The following SEL1L variants were observed in gnomAD, a reference collection of about 807,000 sequenced individuals.
The protein encoded by SEL1L is SEL1L adaptor subunit of SYVN1 ubiquitin ligase.
SEL1L carries 52 observed loss-of-function variants against 109.8 expected under a neutral mutation model. The ratio of observed to expected loss-of-function variants is 0.47; its 90% confidence interval spans 0.38 to 0.60. SEL1L has a LOEUF of 0.60. Ranked by LOEUF, SEL1L falls within the 20% of genes least tolerant of loss-of-function variation. The pLI is 0.00. For missense variants in SEL1L, 749 were observed against 962.2 expected, an observed-to-expected ratio of 0.78 and a Z score of 2.93; for synonymous variants, 373 against 339.6, an observed-to-expected ratio of 1.10 and a Z score of -1.08.
chr14:81,488,650 C>A, intron 14 of SEL1L: 1 of 152,624 alleles, frequency 6.6e-6, no homozygotes. Context: ...CAAGGAAACC[C>A]AGACACAGAC....
chr14:81,480,639 AC>A (rs1903323695), intron 19 of SEL1L, among the ~76,000 whole-genome samples: 1 of 151,980 alleles, frequency 6.6e-6, no homozygotes, highest in Admixed American at 6.6e-5. Flanking sequence ...GACTGCTTGA[AC>A]CCAGGAGGCA....
In SEL1L at chr14:81,472,634, CTA is replaced by C; in HGVS notation, c.*4336_*4337del. ...TTAGATAAATAATATTATAATCAGG[CTA>C]AAGTGAATCACGCTTACTACATATC... On this transcript the variant is annotated 3_prime_UTR_variant, in exon 21 of 21. Transcript: ENST00000336735. 1 of 443,246 alleles carries C rather than the reference CTA, an allele frequency of 2.3e-6. No individual in the cohort carries two copies. The highest frequency in any genetic ancestry group is 4.5e-6 in the Non-Finnish European group (1 of 223,916). The allele number at this position is 443,246 out of a possible 1,614,324, so 27.5% of individuals were successfully genotyped here. A position where few individuals can be genotyped will look rare whatever the true frequency, so the allele number is the denominator to read the frequency against.
chr14:81,489,763 A>AC (rs1883469936), intron 13 of SEL1L, among the ~76,000 whole-genome samples: 1 of 152,194 alleles, frequency 6.6e-6, no homozygotes, highest in African/African-American at 2.4e-5. Context: ...GGTGACAAAG[A>AC]TATACTTAGG....
chr14:81,510,300 G>C lies in SEL1L; in HGVS notation c.341-4059C>G, dbSNP rs571450839. Among the ~76,000 whole-genome samples, 10 of 152,278 alleles carry C rather than the reference G, an allele frequency of 6.6e-5. No homozygotes were observed. The South Asian group carries it at 1.7e-3, about 25-fold the overall frequency. ...AGAGAAAGGGAAATCAGTGATTATA[G>C]AGAACGATTTCAAAGAATTATGCTA... is the stretch of plus-strand genomic sequence containing the variant. On this transcript the variant is annotated intron_variant, in intron 3 of 20. Coordinates refer to ENST00000336735, the MANE Select transcript of SEL1L (RefSeq NM_005065.6).
intron 10 of SEL1L, among the ~76,000 whole-genome samples, chr14:81,496,986 A>G (rs1185647306): frequency 6.6e-6 from 1 of 152,216 alleles, no homozygotes; most frequent in Non-Finnish European, 1.5e-5. Context: ...ATGCTGGCAG[A>G]GGGGAAGAGA....
rs1034662829 is a variant in SEL1L at position 81,474,674 on chromosome 14, T to A, written c.*2298A>T. 13 of 152,188 alleles carry A rather than the reference T, an allele frequency of 8.5e-5. No homozygotes were observed. Among genetic ancestry groups the A allele is most frequent in the African/African-American group, 3.1e-4 (13 of 41,450 alleles). 9.4% of individuals were successfully genotyped at this position (152,188 alleles called of 1,614,324 possible). ...AAAGAAGAAGAGAGCAAAGTATTTT[T>A]GAGACAGTCTTTAAGTGAAGCCATA... On this transcript the variant is annotated 3_prime_UTR_variant, in exon 21 of 21. Transcript: ENST00000336735.
intron 1 of SEL1L, among the ~76,000 whole-genome samples, chr14:81,529,233 G>C (rs1480063417): frequency 6.6e-6 from 1 of 152,100 alleles, no homozygotes; most frequent in Non-Finnish European, 1.5e-5. Context: ...TTTCTAACAT[G>C]TGGTTCAAAT....
intron 15 of SEL1L, 65 bp from the exon 16 acceptor site, chr14:81,487,603 C>T (rs1298442824): frequency 1.3e-6 from 2 of 1,553,860 alleles, no homozygotes; most frequent in Non-Finnish European, 1.7e-6. Flanking sequence ...TCAGAGAAGG[C>T]TTATATATGA....
At chr14:81,492,136 C>T (rs986801770) in intron 12 of SEL1L, among the ~76,000 whole-genome samples, 18 of 151,934 alleles carry the variant, frequency 1.2e-4, no homozygotes, top group South Asian at 4.2e-4. Flanking sequence ...GGACTACAGG[C>T]GCCCACCACC....
At position 81,504,746 on chromosome 14, in the gene SEL1L, G is replaced by A. The variant is rs1595520942; in HGVS notation, c.509-440C>T. Reference sequence around the variant, plus strand: ...TGAGAGGCGACTAGATCATAGGGGTGGTTTTTCATGAATGGCTTAGCACCA... The same window carrying A: ...TGAGAGGCGACTAGATCATAGGGGTAGTTTTTCATGAATGGCTTAGCACCA... On this transcript the variant is annotated intron_variant, in intron 4 of 20. Coordinates refer to ENST00000336735, the MANE Select transcript of SEL1L (RefSeq NM_005065.6). 3.9e-5 allele frequency among the ~76,000 whole-genome samples: 6 copies of A among 152,026 alleles called. No individual in the cohort carries two copies. The South Asian group carries it at 1.2e-3, about 32-fold the overall frequency.
At chr14:81,510,502 CTCTCTCTCTCTCTATATA>C (rs1287108370) in intron 3 of SEL1L, among the ~76,000 whole-genome samples, 2 of 126,288 alleles carry the variant, frequency 1.6e-5, no homozygotes, top group Admixed American at 1.6e-4. Flanking sequence ...CTCTCTCTCT[CTCTCTCTCTCTCTATATA>C]TATATATATA....
chr14:81,504,178 G>A (rs774887357), intron 5 of SEL1L, 23 bp downstream of exon 5: 2 of 1,447,256 alleles, frequency 1.4e-6, no homozygotes, highest in East Asian at 2.5e-5. Flanking sequence ...TGGGGGAAAA[G>A]TGGACTTAGC....
intron 20 of SEL1L, among the ~76,000 whole-genome samples, chr14:81,478,810 A>C (rs986686622): frequency 6.6e-6 from 1 of 152,202 alleles, no homozygotes; most frequent in African/African-American, 2.4e-5. Context: ...TACCTGTGAC[A>C]CACATGAGGG....
chr14:81,497,887 C>T lies in SEL1L; in HGVS notation c.1128+5G>A, dbSNP rs1259458555. On this transcript the variant is annotated splice_donor_5th_base_variant and intron_variant, in intron 10 of 20. Transcript: ENST00000336735. ...AGATATTTGGTGAGATGTTCAAACA[C>T]GTACCTGTGCTTGTACATCACCTTT... The T allele has an allele frequency of 3.1e-6, 5 of 1,611,886 alleles. No individual in the cohort carries two copies. The highest frequency in any genetic ancestry group is 1.1e-5 in the South Asian group (1 of 90,672).
At chr14:81,524,702 A>C (rs996455585) in intron 3 of SEL1L, among the ~76,000 whole-genome samples, 1 of 151,968 alleles carries the variant, frequency 6.6e-6, no homozygotes, top group African/African-American at 2.4e-5. Context: ...TGAAACCCCA[A>C]CTCTACTAAA....
chr14:81,508,974 G>A (rs1186906897), intron 3 of SEL1L, among the ~76,000 whole-genome samples: 1 of 152,142 alleles, frequency 6.6e-6, no homozygotes, highest in Non-Finnish European at 1.5e-5. Flanking sequence ...TGCTGATTCA[G>A]CACTGACATA....
chr14:81,479,482 GA>G, intron 20 of SEL1L, 129 bp downstream of exon 20: 1 of 835,028 alleles, frequency 1.2e-6, no homozygotes, highest in Non-Finnish European at 1.7e-6. Flanking sequence ...TACCTGAGCT[GA>G]GGAGAAGGGA....
At chr14:81,499,376 G>C (rs1281972921) in intron 8 of SEL1L, 83 bp downstream of exon 8, 1 of 1,555,438 alleles carries the variant, frequency 6.4e-7, no homozygotes, top group Non-Finnish European at 8.6e-7. Context: ...TCTGGATCAT[G>C]AAAGCTGAAA....
chr14:81,511,028 T>G (rs1374885814), intron 3 of SEL1L, among the ~76,000 whole-genome samples: 2 of 152,240 alleles, frequency 1.3e-5, no homozygotes, highest in East Asian at 3.8e-4. Flanking sequence ...GGCAATATTT[T>G]ACTGTTGTCT....
Sources: gnomAD v4.1 joint callset for allele counts (sites outside exome capture counted in the v4.1 genomes callset) on GRCh38, gnomAD v4.1.1 for gene constraint, MANE v1.5 for transcripts, NCBI Gene and HGNC (gene_info 2026-07-23, HGNC 2026-07-21) for gene names.